Variants in SH3KBP1 observed in about 807,000 individuals in gnomAD.
SH3KBP1 encodes SH3 domain containing kinase binding protein 1, also known as SH3 domain-containing kinase-binding protein 1.
A neutral mutation model predicts 50.1 loss-of-function variants in SH3KBP1; 8 were observed. The observed-to-expected ratio is 0.16, with a 90% CI of 0.09 to 0.29. The LOEUF (loss-of-function observed/expected upper bound fraction) is 0.29, where lower values mean the gene tolerates loss of function less well. Among genes scored for constraint, SH3KBP1 ranks in the 10% least tolerant of loss-of-function variants. The pLI, the probability that SH3KBP1 is intolerant of heterozygous loss-of-function variation, is 1.00. For missense variants in SH3KBP1, 377 were observed against 535.2 expected, an observed-to-expected ratio of 0.70 and a Z score of 2.92; for synonymous variants, 227 against 218.6, an observed-to-expected ratio of 1.04 and a Z score of -0.34.
At chrX:19,613,709 C>T (rs963272923) in intron 8 of SH3KBP1, among the ~76,000 whole-genome samples, 8 of 112,289 alleles carry the variant, frequency 7.1e-5, no homozygotes, top group Non-Finnish European at 1.1e-4. Context: ...TGCTACATCT[C>T]AGGTTATCTA....
chrX:19,841,984 C>A (rs1316786076), intron 1 of SH3KBP1, among the ~76,000 whole-genome samples: 1 of 108,422 alleles, frequency 9.2e-6, no homozygotes, highest in Non-Finnish European at 1.9e-5. Flanking sequence ...AAAAGTTACA[C>A]CAGTCAGGAA....
chrX:19,715,979 TC>T (rs1184493217), intron 3 of SH3KBP1, among the ~76,000 whole-genome samples: 1 of 111,814 alleles, frequency 8.9e-6, no homozygotes, highest in Non-Finnish European at 1.9e-5. Flanking sequence ...CATGCCAGCT[TC>T]TTTAAAGGCT....
chrX:19,804,775 T>G (rs1037705192), intron 2 of SH3KBP1, among the ~76,000 whole-genome samples: 1 of 108,615 alleles, frequency 9.2e-6, no homozygotes, highest in Non-Finnish European at 1.9e-5. Flanking sequence ...GAGAGCTAGG[T>G]CTAAAGTGTC....
chrX:19,884,532 T>C (rs2069535666), intron 1 of SH3KBP1, among the ~76,000 whole-genome samples: 1 of 112,505 alleles, frequency 8.9e-6, no homozygotes. Context: ...GGGTAAAGCT[T>C]ATGTACAATT....
At chrX:19,682,448 C>T (rs1013106851) in intron 6 of SH3KBP1, among the ~76,000 whole-genome samples, 1 of 109,139 alleles carries the variant, frequency 9.2e-6, no homozygotes, top group African/African-American at 3.4e-5. Context: ...TGTTTGCTGA[C>T]TGAGTCAATG....
chrX:19,586,847 T>G (rs1434779723), intron 12 of SH3KBP1, among the ~76,000 whole-genome samples: 1 of 111,982 alleles, frequency 8.9e-6, no homozygotes, highest in African/African-American at 3.2e-5. Flanking sequence ...GTTGTTGTCA[T>G]TGTTATGAAA....
chrX:19,856,893 A>G (rs2068655619), intron 1 of SH3KBP1, among the ~76,000 whole-genome samples: 1 of 104,494 alleles, frequency 9.6e-6, no homozygotes, highest in Non-Finnish European at 1.9e-5. Context: ...CACATGGTAC[A>G]CTAAGATTAT....
intron 2 of SH3KBP1, among the ~76,000 whole-genome samples, chrX:19,813,769 C>T (rs1335001678): frequency 9.0e-6 from 1 of 111,279 alleles, no homozygotes; most frequent in Non-Finnish European, 1.9e-5. Flanking sequence ...CCCAAACAAA[C>T]CTCCTCTACT....
At chrX:19,811,044 G>C (rs1210107889) in intron 2 of SH3KBP1, among the ~76,000 whole-genome samples, 3 of 112,023 alleles carry the variant, frequency 2.7e-5, no homozygotes, top group Admixed American at 9.5e-5. Flanking sequence ...ATTTAACACA[G>C]AGTAGCTGAA....
At chrX:19,855,731 T>C (rs1205591110) in intron 1 of SH3KBP1, among the ~76,000 whole-genome samples, 1 of 112,031 alleles carries the variant, frequency 8.9e-6, no homozygotes, top group Admixed American at 9.5e-5. Flanking sequence ...TAAATAAACA[T>C]CTGAGTATAT....
At chrX:19,837,303 A>G (rs1351038504) in intron 1 of SH3KBP1, among the ~76,000 whole-genome samples, 1 of 111,604 alleles carries the variant, frequency 9.0e-6, no homozygotes, top group Admixed American at 9.5e-5. Flanking sequence ...ATACTTGGTA[A>G]TGAGCAAAGG....
Position 19,679,738 on chromosome X carries a change from A to G in SH3KBP1, c.726+4085T>C, listed in dbSNP as rs747410427. On this transcript the variant is annotated intron_variant, in intron 6 of 17. Transcript: ENST00000397821. ...CCAACTCATGATCAATGTCTCCTCT[A>G]TGCCCCACTCTTTCATCTTCTGGAC... Among the ~76,000 whole-genome samples, 4 of 111,802 alleles carry G rather than the reference A, an allele frequency of 3.6e-5. No homozygotes were observed. In the East Asian group the frequency reaches 1.1e-3, roughly 31 times the overall value.
At chrX:19,784,338 A>ACACATCGTGTAC (rs1238544884) in intron 2 of SH3KBP1, among the ~76,000 whole-genome samples, 2 of 112,188 alleles carry the variant, frequency 1.8e-5, no homozygotes, top group African/African-American at 6.5e-5. Flanking sequence ...GAAATGTGGT[A>ACACATCGTGTAC]CACGATTAAG....
At chrX:19,647,918 T>C (rs1322985402) in intron 6 of SH3KBP1, 1 of 329,808 alleles carries the variant, frequency 3.0e-6, no homozygotes, top group South Asian at 3.0e-5. Context: ...TTCTGATGCA[T>C]GCTCACATTT....
intron 1 of SH3KBP1, among the ~76,000 whole-genome samples, chrX:19,879,859 G>A (rs181610683): frequency 8.8e-5 from 10 of 113,192 alleles, no homozygotes; most frequent in African/African-American, 2.9e-4. Context: ...ATAAGCCCCC[G>A]GGGTTCCCCC....
At chrX:19,571,730 T>C (rs2066012540) in intron 12 of SH3KBP1, among the ~76,000 whole-genome samples, 1 of 110,823 alleles carries the variant, frequency 9.0e-6, no homozygotes, top group African/African-American at 3.3e-5. Context: ...GACAGCTCTG[T>C]CCTTTTTGAA....
intron 12 of SH3KBP1, among the ~76,000 whole-genome samples, chrX:19,582,457 G>A (rs1602550902): frequency 9.0e-6 from 1 of 111,491 alleles, no homozygotes; most frequent in South Asian, 3.7e-4. Context: ...CTCCTTCCTC[G>A]GTATCTTCAG....
chrX:19,789,526 C>G (rs780324371), intron 2 of SH3KBP1, among the ~76,000 whole-genome samples: 1 of 109,723 alleles, frequency 9.1e-6, no homozygotes, highest in Non-Finnish European at 1.9e-5. Context: ...TTGCAGATAG[C>G]CACCTGCTTG....
intron 6 of SH3KBP1, among the ~76,000 whole-genome samples, chrX:19,673,404 T>C (rs1312028597): frequency 1.8e-5 from 2 of 111,980 alleles, no homozygotes; most frequent in Non-Finnish European, 1.9e-5. Context: ...TTAATGAAGA[T>C]AGTAGAATGC....
Sources: allele counts gnomAD v4.1 joint callset (sites outside exome capture counted in the v4.1 genomes callset), GRCh38; gene constraint gnomAD v4.1.1; transcripts MANE v1.5; gene names NCBI Gene and HGNC (gene_info 2026-07-23, HGNC 2026-07-21).